Variants in SHANK2 observed in about 807,000 individuals in gnomAD.
SHANK2 encodes the protein SH3 and multiple ankyrin repeat domains protein 2.
A neutral mutation model predicts 133.7 loss-of-function variants in SHANK2; 43 were observed. The ratio of observed to expected loss-of-function variants is 0.32; its 90% CI spans 0.25 to 0.41. SHANK2 has a LOEUF of 0.41. Among genes scored for constraint, SHANK2 ranks in the 10% least tolerant of loss-of-function variants. The probability of loss-of-function intolerance (pLI) is 1.00; values close to 1 mark genes in which losing one functional copy is unlikely to be tolerated. For synonymous variants in SHANK2, 1,017 were observed against 952.8 expected, an observed-to-expected ratio of 1.07 and a Z score of -1.24; for missense variants, 1,994 against 2,235.8, an observed-to-expected ratio of 0.89 and a Z score of 2.18.
chr11:70,821,677 C>A (rs1948526022), intron 11 of SHANK2, among the ~76,000 whole-genome samples: 1 of 152,180 alleles, frequency 6.6e-6, no homozygotes, highest in Admixed American at 6.5e-5. Flanking sequence ...CCTGCCTCAG[C>A]CACCCAAAGT....
intron 8 of SHANK2, among the ~76,000 whole-genome samples, chr11:71,085,950 ATATAT>A (rs1482737263): frequency 0.15 from 1,485 of 9,828 alleles, 274 homozygotes; most frequent in African/African-American, 0.24. Context: ...AATATGTTAT[ATATAT>A]TATGTTATAT....
At chr11:70,636,578 AAT>A (rs2061094396) in intron 17 of SHANK2, among the ~76,000 whole-genome samples, 1 of 132,260 alleles carries the variant, frequency 7.6e-6, no homozygotes, top group Non-Finnish European at 1.6e-5. Context: ...TGTGTGTATG[AAT>A]GTGAGTCTGT....
At position 70,856,063 on chromosome 11, in the gene SHANK2, G is replaced by A. The variant is rs571968864; in HGVS notation, c.1175-35381C>T. On this transcript the variant is annotated intron_variant, in intron 11 of 25. Transcript: ENST00000601538. ...GATAAATGAACAGGTGAGTGAATGG[G>A]TGGGTGGGTAAATGGATAGATGAGT... Among the ~76,000 whole-genome samples the A allele has an allele frequency of 5.9e-5, 9 of 151,748 alleles. No individual in the cohort carries two copies. In the South Asian group the frequency reaches 1.5e-3, roughly 25 times the overall value.
At chr11:71,083,393 C>T (rs979357527) in intron 8 of SHANK2, among the ~76,000 whole-genome samples, 1 of 152,224 alleles carries the variant, frequency 6.6e-6, no homozygotes, top group East Asian at 1.9e-4. Flanking sequence ...GCAGAAAATG[C>T]CTCACGTAAA....
At chr11:70,709,996 G>T (rs1945745422) in intron 14 of SHANK2, among the ~76,000 whole-genome samples, 1 of 152,152 alleles carries the variant, frequency 6.6e-6, no homozygotes, top group East Asian at 1.9e-4. Context: ...GATGAACACT[G>T]AGATTCCCTG....
chr11:71,189,224 C>T (rs1555114962), intron 2 of SHANK2, among the ~76,000 whole-genome samples: 2 of 152,242 alleles, frequency 1.3e-5, no homozygotes, highest in Non-Finnish European at 2.9e-5. Flanking sequence ...TGTGATTCCC[C>T]CAGGGGCTCC....
intron 17 of SHANK2, among the ~76,000 whole-genome samples, chr11:70,528,681 G>A (rs2096818): frequency 0.44 from 66,052 of 151,690 alleles, 17,703 homozygotes; most frequent in Non-Finnish European, 0.59. Context: ...TCTTTACTAT[G>A]CCCTGACAAG....
At position 71,075,264 on chromosome 11, in the gene SHANK2, G is replaced by A. The variant is rs903091470; in HGVS notation, c.924C>T (p.Tyr308=). ...GGTGCTCCAGGTGCTGCACGTGCCC[G>A]TACCTGCAGGCCTGAAACACAGAAC... The part of the protein sequence containing the change: ...GWHEIHQACR[Y]GHVQHLEHLL... The change falls in exon 9 of 26, where the codon TAC becomes TAT. Residue 308 remains tyrosine, a synonymous_variant. Transcript: ENST00000601538. 9 of 225,270 alleles carry A rather than the reference G, an allele frequency of 4.0e-5. No homozygotes were observed. The highest frequency in any genetic ancestry group is 9.7e-5 in the Admixed American group (2 of 20,692). The allele number at this position is 225,270 out of a possible 1,614,324, so 14.0% of individuals were successfully genotyped here.
intron 6 of SHANK2, among the ~76,000 whole-genome samples, chr11:71,094,930 T>C (rs923810207): frequency 6.6e-6 from 1 of 152,134 alleles, no homozygotes; most frequent in African/African-American, 2.4e-5. Flanking sequence ...GAGGCAGGGA[T>C]TCAACAGGAC....
chr11:70,863,019 G>A lies in SHANK2; in HGVS notation c.1174+33482C>T, dbSNP rs189590367. ...GCTAAAAGGTGTGAGCTGGTGGGCA[G>A]GGCAGAGGCTGCTCCGCAGGACTTA... On this transcript the variant is annotated intron_variant, in intron 11 of 25. Transcript: ENST00000601538. Among the ~76,000 whole-genome samples, 43 of 152,230 alleles carry A rather than the reference G, an allele frequency of 2.8e-4. No homozygotes were observed. In the East Asian group the frequency reaches 7.1e-3, roughly 25 times the overall value.
chr11:70,905,232 A>G (rs1273354538), intron 10 of SHANK2, among the ~76,000 whole-genome samples: 1 of 152,088 alleles, frequency 6.6e-6, no homozygotes, highest in African/African-American at 2.4e-5. Context: ...TCTGAATTCC[A>G]CTGCTCCTAT....
rs968956281 is a variant in SHANK2 at position 70,485,841 on chromosome 11, G to A, written c.4452C>T (p.Asp1484=). The A allele has an allele frequency of 4.3e-6, 7 of 1,613,890 alleles. No homozygotes were observed. The East Asian group carries it at 8.9e-5, about 21-fold the overall frequency. The change falls in exon 25 of 26, where the codon GAC becomes GAT. Residue 1484 remains aspartate, a synonymous_variant. Transcript: ENST00000601538. This position sits in a 1 kb window ranked among gnomAD's most constrained non-coding sequence, Gnocchi z 5.8. ...ASFLPPPESF[D]AVADSGIEEV... ...CCTCGATCCCAGAGTCGGCGACGGCGTCAAAGCTTTCAGGGGGTGGCAGGA... is the reference window on the plus strand; with the variant it reads ...CCTCGATCCCAGAGTCGGCGACGGCATCAAAGCTTTCAGGGGGTGGCAGGA...
chr11:70,860,523 A>G (rs1949242661), intron 11 of SHANK2, among the ~76,000 whole-genome samples: 1 of 152,222 alleles, frequency 6.6e-6, no homozygotes, highest in Admixed American at 6.5e-5. Context: ...CGATGTGTGC[A>G]GTGGGAGACT....
chr11:71,119,089 C>A, intron 3 of SHANK2, 57 bp from the exon 4 acceptor site: 2 of 1,490,292 alleles, frequency 1.3e-6, no homozygotes, highest in South Asian at 1.2e-5. Flanking sequence ...CTGAGTCACC[C>A]ATGTGGGGCG....
chr11:71,199,406 C>T (rs1040801185), intron 2 of SHANK2, among the ~76,000 whole-genome samples: 10 of 152,178 alleles, frequency 6.6e-5, no homozygotes, highest in Non-Finnish European at 1.2e-4. Context: ...GGAGCCAGAC[C>T]GAATGAAATG....
At chr11:70,763,469 A>G (rs1947037835) in intron 14 of SHANK2, among the ~76,000 whole-genome samples, 1 of 152,054 alleles carries the variant, frequency 6.6e-6, no homozygotes, top group African/African-American at 2.4e-5. Context: ...AGTGTAGCAG[A>G]AGTTGGACGT....
intron 2 of SHANK2, among the ~76,000 whole-genome samples, chr11:71,212,675 G>A (rs1954307597): frequency 1.3e-5 from 2 of 152,200 alleles, no homozygotes; most frequent in African/African-American, 4.8e-5. Context: ...CTGTTCCCTG[G>A]ATGAATAAAC....
At chr11:70,636,648 CAT>C (rs1313582045) in intron 17 of SHANK2, among the ~76,000 whole-genome samples, 1 of 146,222 alleles carries the variant, frequency 6.8e-6, no homozygotes, top group Non-Finnish European at 1.5e-5. Context: ...AATGTGTGAG[CAT>C]ATGAATATAT....
At chr11:70,687,119 A>C (rs1386832514) in intron 15 of SHANK2, among the ~76,000 whole-genome samples, 1 of 152,260 alleles carries the variant, frequency 6.6e-6, no homozygotes, top group African/African-American at 2.4e-5. Flanking sequence ...TGGCAGTTTC[A>C]GGCCCAATGT....
Sources: gnomAD v4.1 joint callset for allele counts (sites outside exome capture counted in the v4.1 genomes callset) on GRCh38, gnomAD v4.1.1 for gene constraint, Gnocchi (gnomAD v3.1) non-coding constraint, MANE v1.5 for transcripts, NCBI Gene and HGNC (gene_info 2026-07-23, HGNC 2026-07-21) for gene names.